RGSL1: variants seen among roughly 807,000 people sequenced by gnomAD.
The protein encoded by RGSL1 is regulator of G protein signaling like 1, also known as regulator of G protein signaling protein-like.
A neutral mutation model predicts 124.7 loss-of-function variants in RGSL1; 97 were observed. The ratio of observed to expected loss-of-function variants is 0.78; its 90% CI spans 0.66 to 0.92. The LOEUF is 0.92. Ranked by LOEUF, RGSL1 falls within the 40% of genes least tolerant of loss-of-function variation. The pLI, the probability that RGSL1 is intolerant of heterozygous loss-of-function variation, is 0.00. For missense variants in RGSL1, 1,233 were observed against 1,288.4 expected (o/e 0.96, Z 0.66); for synonymous variants, 424 against 438.1 (o/e 0.97, Z 0.40).
At position 182,489,136 on chromosome 1, in the gene RGSL1, G is replaced by C. The variant is rs1259940521; in HGVS notation, c.1651G>C (p.Ala551Pro). The change falls in exon 8 of 22, where the codon GCT (alanine) becomes CCT (proline). Residue 551 changes from alanine (A) to proline (P), a missense_variant. Ala to Pro is a conservative substitution (Grantham distance 27). Coordinates refer to ENST00000294854, the MANE Select transcript of RGSL1 (RefSeq NM_001137669.2). Reference protein sequence around the residue: ...EMDYRQWRKIATEDLKQGGSL... With the variant: ...EMDYRQWRKIPTEDLKQGGSL... Reference sequence around the variant, plus strand: ...GGACTATAGGCAGTGGCGAAAGATAGCTACTGAGGACCTGAAGCAAGGAGG... The same window carrying C: ...GGACTATAGGCAGTGGCGAAAGATACCTACTGAGGACCTGAAGCAAGGAGG... 1 of 1,551,736 alleles carries C rather than the reference G, an allele frequency of 6.4e-7. No individual in the cohort carries two copies. Among genetic ancestry groups the C allele is most frequent in the Admixed American group, 2.0e-5 (1 of 51,004 alleles).
At chr1:182,523,670 C>T (rs1406638614) in intron 10 of RGSL1, among the ~76,000 whole-genome samples, 1 of 152,134 alleles carries the variant, frequency 6.6e-6, no homozygotes, top group Non-Finnish European at 1.5e-5. Context: ...GATACCACAG[C>T]TGCAATTCTC....
chr1:182,489,624 C>T (rs1655375076), intron 8 of RGSL1, among the ~76,000 whole-genome samples: 1 of 152,208 alleles, frequency 6.6e-6, no homozygotes, highest in Admixed American at 6.5e-5. Context: ...TTACAGTCAC[C>T]CGCTTCCCTA....
At position 182,548,389 on chromosome 1, in the gene RGSL1, A is replaced by G. The variant is rs1240696531; in HGVS notation, c.2742A>G (p.Leu914=). ...CATATAATGAGAATGATGTGATCCT[A>G]ATGCGGTCCAAAATGAACATTATCC... is the stretch of plus-strand genomic sequence containing the variant. ...NRAYNENDVI[L]MRSKMNIIQK... is the part of the protein sequence containing the mutation. The change falls in exon 16 of 22, where the codon CTA becomes CTG. Residue 914 remains leucine, a synonymous_variant. Transcript: ENST00000294854. The G allele has an allele frequency of 3.9e-6, 6 of 1,551,710 alleles. No individual in the cohort carries two copies. The highest frequency in any genetic ancestry group is 5.2e-6 in the Non-Finnish European group (6 of 1,147,008).
Position 182,527,606 on chromosome 1 carries a change from A to C in RGSL1, c.1959A>C (p.Thr653=). 1 of 1,550,598 alleles carries C rather than the reference A, an allele frequency of 6.4e-7. No individual in the cohort carries two copies. The highest frequency in any genetic ancestry group is 8.7e-7 in the Non-Finnish European group (1 of 1,146,576). ...PRNLTEVLLN[T]QHLEFFREFL... Reference sequence around the variant, plus strand: ...ACTTGACAGAAGTCCTCTTAAATACACAGCACTTGGAGTTCTTCAGGGAGT... The same window carrying C: ...ACTTGACAGAAGTCCTCTTAAATACCCAGCACTTGGAGTTCTTCAGGGAGT... Residue 653 remains threonine (T), a synonymous_variant, in exon 11 of 22, where the codon ACA becomes ACC. Coordinates refer to ENST00000294854, the MANE Select transcript of RGSL1 (RefSeq NM_001137669.2).
intron 15 of RGSL1, 84 bp from the exon 16 acceptor site, chr1:182,548,233 C>A: frequency 1.4e-6 from 2 of 1,469,040 alleles, no homozygotes; most frequent in East Asian, 2.5e-5. Flanking sequence ...TTTTTTGGGC[C>A]AGAAATGAGT....
intron 5 of RGSL1, 83 bp from the exon 6 acceptor site, chr1:182,473,492 A>C (rs1367901771): frequency 7.1e-7 from 1 of 1,415,220 alleles, no homozygotes; most frequent in Non-Finnish European, 9.3e-7. Flanking sequence ...AGACATTTGA[A>C]AAAAATTAAA....
rs564826222 is a variant in RGSL1, at chr1:182,465,076, T to TATA, written c.301+4960_301+4962dup. On this transcript the variant is annotated intron_variant, in intron 4 of 21. Coordinates refer to ENST00000294854, the MANE Select transcript of RGSL1 (RefSeq NM_001137669.2). Reference sequence around the variant, plus strand: ...TAGGTAACAGAGCAAGACCCTATCTTATAATAATAATAATAATAAAGTGAA... The same window carrying TATA: ...TAGGTAACAGAGCAAGACCCTATCTTATAATAATAATAATAATAATAAAGTGAA... Among the ~76,000 whole-genome samples, 222 of 151,626 alleles carry TATA rather than the reference T, an allele frequency of 1.5e-3. 1 individual carries two copies. Among genetic ancestry groups the TATA allele is most frequent in the Non-Finnish European group, 2.4e-3 (160 of 67,904 alleles).
intron 1 of RGSL1, chr1:182,450,670 C>A (rs1179599598): frequency 1.1e-5 from 2 of 183,944 alleles, no homozygotes; most frequent in Non-Finnish European, 2.3e-5. Flanking sequence ...ACTGTTTTGG[C>A]AATGGCAAGC....
chr1:182,515,553 A>G (rs75192343), intron 9 of RGSL1, among the ~76,000 whole-genome samples: 7,565 of 108,814 alleles, frequency 0.07, 588 homozygotes, highest in African/African-American at 0.19. Flanking sequence ...AAAAAAAAAA[A>G]GGGGGGGGCG....
intron 15 of RGSL1, among the ~76,000 whole-genome samples, chr1:182,543,775 G>A (rs150190197): frequency 0.011 from 1,711 of 151,964 alleles, 34 homozygotes; most frequent in African/African-American, 0.039. Flanking sequence ...GTTTTTATGC[G>A]TCCAAGAATT....
intron 4 of RGSL1, among the ~76,000 whole-genome samples, chr1:182,462,017 AATGAACTCCAAGTAAG>A (rs1652878921): frequency 6.6e-6 from 1 of 152,188 alleles, no homozygotes; most frequent in South Asian, 2.1e-4. Context: ...CAAAGAGCCC[AATGAACTCCAAGTAAG>A]ATGAACTCAA....
At chr1:182,470,912 ATGT>A (rs1442244425) in intron 4 of RGSL1, among the ~76,000 whole-genome samples, 1 of 152,188 alleles carries the variant, frequency 6.6e-6, no homozygotes, top group Non-Finnish European at 1.5e-5. Context: ...ACAGAGTAAA[ATGT>A]TGTAAGAAAT....
chr1:182,546,464 G>T (rs539325042), intron 15 of RGSL1, among the ~76,000 whole-genome samples: 1 of 152,024 alleles, frequency 6.6e-6, no homozygotes, highest in Admixed American at 6.6e-5. Flanking sequence ...CACCATCTTG[G>T]CTCACTTAAA....
intron 3 of RGSL1, 100 bp from the exon 4 acceptor site, chr1:182,459,904 A>C: frequency 7.2e-7 from 1 of 1,391,104 alleles, no homozygotes; most frequent in Non-Finnish European, 9.6e-7. Context: ...CTGGCCAGAC[A>C]CTGCAAGTGT....
intron 15 of RGSL1, among the ~76,000 whole-genome samples, chr1:182,545,685 G>A (rs1660164966): frequency 6.6e-6 from 1 of 152,144 alleles, no homozygotes; most frequent in Non-Finnish European, 1.5e-5. Flanking sequence ...AGTACTCTTG[G>A]ATGGTGGGTT....
chr1:182,529,863 T>A lies in RGSL1; in HGVS notation c.2126-381T>A, dbSNP rs991549579. On this transcript the variant is annotated intron_variant, in intron 11 of 21. Coordinates refer to ENST00000294854, the MANE Select transcript of RGSL1 (RefSeq NM_001137669.2). ...CTGGAGAAACAAACTGCCCTCACAA[T>A]ACTTATCTGGAATCTTGGATTCCCC... 1.9e-4 allele frequency among the ~76,000 whole-genome samples: 29 copies of A among 152,130 alleles called. 1 individual carries two copies. Among genetic ancestry groups the A allele is most frequent in the Admixed American group, 6.6e-5 (1 of 15,258 alleles).
At chr1:182,555,785 A>C (rs1660831032) in intron 20 of RGSL1, 1 of 518,908 alleles carries the variant, frequency 1.9e-6, no homozygotes, top group East Asian at 3.3e-5. Context: ...AGTGCCCAGA[A>C]GACAAACCAG....
At chr1:182,483,076 TAGA>T (rs1190004249) in intron 6 of RGSL1, among the ~76,000 whole-genome samples, 1 of 152,172 alleles carries the variant, frequency 6.6e-6, no homozygotes, top group Admixed American at 6.5e-5. Context: ...GATAAACTCA[TAGA>T]AGCAGAAAAT....
At chr1:182,544,650 T>A (rs1164711027) in intron 15 of RGSL1, among the ~76,000 whole-genome samples, 1 of 152,082 alleles carries the variant, frequency 6.6e-6, no homozygotes, top group Admixed American at 6.6e-5. Context: ...TCTTTTAATG[T>A]TTGCTTTATA....
Sources: gnomAD v4.1 joint callset for allele counts (sites outside exome capture counted in the v4.1 genomes callset) on GRCh38, gnomAD v4.1.1 for gene constraint, MANE v1.5 for transcripts, NCBI Gene and HGNC (gene_info 2026-07-23, HGNC 2026-07-21) for gene names.